Variants in DENND1B observed in about 807,000 individuals in gnomAD.
DENND1B encodes DENN domain-containing protein 1B.
DENND1B carries 59 observed loss-of-function variants against 90.1 expected under a neutral mutation model. The ratio of observed to expected loss-of-function variants is 0.65; its 90% CI spans 0.53 to 0.81. The LOEUF (loss-of-function observed/expected upper bound fraction) is 0.81, where lower values mean the gene tolerates loss of function less well. DENND1B is among the 40% of genes least tolerant of loss of function. The pLI, the probability that DENND1B is intolerant of heterozygous loss-of-function variation, is 0.00. For missense variants in DENND1B, 862 were observed against 912.6 expected (o/e 0.94, Z 0.71); for synonymous variants, 337 against 324.6 (o/e 1.04, Z -0.41).
intron 10 of DENND1B, among the ~76,000 whole-genome samples, chr1:197,639,735 T>G (rs1680109700): frequency 1.3e-5 from 2 of 152,164 alleles, no homozygotes; most frequent in South Asian, 4.1e-4. Flanking sequence ...TTCATTGATT[T>G]TACTTTTAAT....
chr1:197,758,459 T>TC (rs1460356645), intron 2 of DENND1B, among the ~76,000 whole-genome samples: 1 of 152,234 alleles, frequency 6.6e-6, no homozygotes, highest in Non-Finnish European at 1.5e-5. Context: ...AAAGTTTCTA[T>TC]CTACATGGTG....
intron 15 of DENND1B, among the ~76,000 whole-genome samples, chr1:197,578,989 T>C (rs1396703668): frequency 1.3e-5 from 2 of 152,226 alleles, no homozygotes; most frequent in East Asian, 1.9e-4. Flanking sequence ...GTTAGACCTC[T>C]TTTAAAGGCT....
At chr1:197,537,578 AC>A (rs1329124808) in intron 20 of DENND1B, among the ~76,000 whole-genome samples, 1 of 152,068 alleles carries the variant, frequency 6.6e-6, no homozygotes, top group African/African-American at 2.4e-5. Flanking sequence ...TTGCAAAAAA[AC>A]AGGTAAGATA....
At chr1:197,720,162 A>G (rs1661025324) in intron 2 of DENND1B, among the ~76,000 whole-genome samples, 2 of 152,200 alleles carry the variant, frequency 1.3e-5, no homozygotes, top group Admixed American at 1.3e-4. Context: ...AAAAAGTTTG[A>G]TAAGCATGTA....
chr1:197,637,677 T>G (rs1679915604), intron 10 of DENND1B, among the ~76,000 whole-genome samples: 1 of 152,112 alleles, frequency 6.6e-6, no homozygotes, highest in Admixed American at 6.5e-5. Flanking sequence ...ACCGGTGAAA[T>G]GATAAACTGG....
At chr1:197,536,465 G>A (rs1338510098) in intron 20 of DENND1B, among the ~76,000 whole-genome samples, 1 of 151,986 alleles carries the variant, frequency 6.6e-6, no homozygotes, top group Non-Finnish European at 1.5e-5. Context: ...CCACCAATTG[G>A]CTATCATTTC....
At chr1:197,554,518 C>T (rs1040565954) in intron 15 of DENND1B, among the ~76,000 whole-genome samples, 1 of 151,924 alleles carries the variant, frequency 6.6e-6, no homozygotes, top group Admixed American at 6.6e-5. Flanking sequence ...TTGTATAGGA[C>T]AATACAATAT....
Position 197,747,017 on chromosome 1 carries a change from T to C in DENND1B, c.82+25851A>G, listed in dbSNP as rs1429616942. 8 of 865,346 alleles carry C rather than the reference T, an allele frequency of 9.2e-6. No individual in the cohort carries two copies. In the African/African-American group the frequency reaches 9.9e-5, roughly 11 times the overall value. The allele number at this position is 865,346 out of a possible 1,614,324, so 53.6% of individuals were successfully genotyped here. A position where few individuals can be genotyped will look rare whatever the true frequency, so the allele number is the denominator to read the frequency against. ...AGGCCTGATTTCTCAACATTTTTCC[T>C]TTTAACATGGCGTTCAAATCAATCA... is the stretch of plus-strand genomic sequence containing the variant. On this transcript the variant is annotated intron_variant, in intron 2 of 22. Transcript: ENST00000620048.
At chr1:197,640,681 G>C (rs1025635203) in intron 10 of DENND1B, among the ~76,000 whole-genome samples, 4 of 151,948 alleles carry the variant, frequency 2.6e-5, no homozygotes, top group African/African-American at 9.7e-5. Context: ...TTAAGAGGTG[G>C]ATATAAATTA....
At chr1:197,546,693 T>C (rs1670838932) in intron 17 of DENND1B, 40 bp downstream of exon 17, 1 of 1,507,318 alleles carries the variant, frequency 6.6e-7, no homozygotes, top group Non-Finnish European at 8.9e-7. Flanking sequence ...TCTCCATTTA[T>C]ATTAGAGTGA....
chr1:197,637,670 G>A (rs961053858), intron 10 of DENND1B, among the ~76,000 whole-genome samples: 2 of 152,030 alleles, frequency 1.3e-5, no homozygotes, highest in Non-Finnish European at 2.9e-5. Context: ...GCTGTGTACC[G>A]GTGAAATGAT....
chr1:197,505,871 AT>A lies in DENND1B; in HGVS notation c.*4588del, dbSNP rs552307887. 33 of 151,734 alleles carry A rather than the reference AT, an allele frequency of 2.2e-4. No individual in the cohort carries two copies. In the East Asian group the frequency reaches 5.4e-3, roughly 25 times the overall value. 9.4% of individuals were successfully genotyped at this position (151,734 alleles called of 1,614,324 possible). A position where few individuals can be genotyped will look rare whatever the true frequency, so the allele number is the denominator to read the frequency against. On this transcript the variant is annotated 3_prime_UTR_variant, in exon 23 of 23. Coordinates refer to ENST00000620048, the MANE Select transcript of DENND1B (RefSeq NM_001195215.2). ...AACTGAGTATCTGTTAAATGTACACATGTAGAATCAGCAATTTGTACCGTAT... is the reference window on the plus strand; with the variant it reads ...AACTGAGTATCTGTTAAATGTACACAGTAGAATCAGCAATTTGTACCGTAT...
At chr1:197,576,847 C>T (rs1382838888) in intron 15 of DENND1B, among the ~76,000 whole-genome samples, 11 of 152,042 alleles carry the variant, frequency 7.2e-5, no homozygotes, top group Admixed American at 3.3e-4. Flanking sequence ...TCATTTTCCT[C>T]CCTGATAAGA....
intron 10 of DENND1B, among the ~76,000 whole-genome samples, chr1:197,618,563 G>A (rs1418903092): frequency 2.0e-5 from 3 of 150,996 alleles, no homozygotes; most frequent in Non-Finnish European, 4.5e-5. Context: ...CTTAACAAAA[G>A]GATATCACTT....
chr1:197,622,994 A>G (rs1174580113), intron 10 of DENND1B, among the ~76,000 whole-genome samples: 2 of 151,382 alleles, frequency 1.3e-5, no homozygotes, highest in Non-Finnish European at 3.0e-5. Context: ...CACAATTTTA[A>G]CTAGCATGCC....
At chr1:197,769,524 CA>C (rs1656136026) in intron 2 of DENND1B, among the ~76,000 whole-genome samples, 1 of 152,136 alleles carries the variant, frequency 6.6e-6, no homozygotes, top group South Asian at 2.1e-4. Flanking sequence ...CCAATGACAC[CA>C]TTACTGTGAG....
At chr1:197,596,291 T>C (rs753599361) in intron 13 of DENND1B, among the ~76,000 whole-genome samples, 7 of 152,184 alleles carry the variant, frequency 4.6e-5, no homozygotes, top group Non-Finnish European at 7.4e-5. Flanking sequence ...ATACTCCTGA[T>C]GTAAACTCTT....
At chr1:197,578,382 T>C (rs1177022478) in intron 15 of DENND1B, among the ~76,000 whole-genome samples, 1 of 152,182 alleles carries the variant, frequency 6.6e-6, no homozygotes, top group Admixed American at 6.5e-5. Context: ...GTAGCTGGGA[T>C]TACAGGCGTG....
At position 197,755,919 on chromosome 1, in the gene DENND1B, ACATGTGGGAATT is replaced by A. The variant is rs1373188823; in HGVS notation, c.82+16937_82+16948del. On this transcript the variant is annotated intron_variant, in intron 2 of 22. Coordinates refer to ENST00000620048, the MANE Select transcript of DENND1B (RefSeq NM_001195215.2). ...CATCTCCCAGCGGGTCCCTCCCACA[ACATGTGGGAATT>A]ATGGGAGCAACAAGATGAGATTTGG... Among the ~76,000 whole-genome samples the A allele has an allele frequency of 5.9e-5, 9 of 152,334 alleles. No individual in the cohort carries two copies. In the East Asian group the frequency reaches 1.7e-3, roughly 29 times the overall value.
Sources: allele counts gnomAD v4.1 joint callset (sites outside exome capture counted in the v4.1 genomes callset), GRCh38; gene constraint gnomAD v4.1.1; transcripts MANE v1.5; gene names NCBI Gene and HGNC (gene_info 2026-07-23, HGNC 2026-07-21).